Variants in LTA4H observed in about 807,000 individuals in gnomAD.
The protein encoded by LTA4H is leukotriene A-4 hydrolase.
A neutral mutation model predicts 89.8 loss-of-function variants in LTA4H; 59 were observed. That is an observed-to-expected ratio of 0.66 (90% CI 0.53 to 0.82). LTA4H has a LOEUF of 0.82. Ranked by LOEUF, LTA4H falls within the 40% of genes least tolerant of loss-of-function variation. The probability of loss-of-function intolerance (pLI) is 0.00; values close to 1 mark genes in which losing one functional copy is unlikely to be tolerated. For missense variants in LTA4H, 617 were observed against 727.0 expected, an observed-to-expected ratio of 0.85 and a Z score of 1.74; for synonymous variants, 227 against 253.1, an observed-to-expected ratio of 0.90 and a Z score of 0.98.
rs1312116158 is a variant in LTA4H, at chr12:96,021,094, A to G, written c.629T>C (p.Leu210Ser). 7.5e-6 allele frequency: 12 copies of G among 1,600,614 alleles called. No individual in the cohort carries two copies. Among genetic ancestry groups the G allele is most frequent in the Non-Finnish European group, 1.0e-5 (12 of 1,176,124 alleles). ...CYLIALVVGA[L>S]ESRQIGPRTL... ...TTTTCCAAAAGCTCACCTGCTTTCTAAAGCTCCAACAACTAAAGCAATCAG... is the reference window on the plus strand; with the variant it reads ...TTTTCCAAAAGCTCACCTGCTTTCTGAAGCTCCAACAACTAAAGCAATCAG... Residue 210 changes from leucine (L) to serine (S), a missense_variant, in exon 6 of 19, where the codon TTA (leucine) becomes TCA (serine). Physicochemically the swap from Leu to Ser is moderately radical, Grantham distance 145. Around this residue, in one of 3 missense-constraint regions of LTA4H, gnomAD observed 172 missense variants for 244.5 expected, o/e 0.70. Coordinates refer to ENST00000228740, the MANE Select transcript of LTA4H (RefSeq NM_000895.3).
chr12:96,041,576 A>G (rs1362443807), intron 1 of LTA4H, among the ~76,000 whole-genome samples: 1 of 152,220 alleles, frequency 6.6e-6, no homozygotes, highest in Non-Finnish European at 1.5e-5. Flanking sequence ...CAAAAAAAGA[A>G]ATGTGTATCC....
Position 96,015,697 on chromosome 12 carries a change from G to T in LTA4H, c.948-3C>A. The T allele has an allele frequency of 6.6e-7, 1 of 1,506,856 alleles. No homozygotes were observed. The highest frequency in any genetic ancestry group is 9.1e-7 in the Non-Finnish European group (1 of 1,095,358). The allele number at this position is 1,506,856 out of a possible 1,614,324, so 93.3% of individuals were successfully genotyped here. A position where few individuals can be genotyped will look rare whatever the true frequency, so the allele number is the denominator to read the frequency against. ...ACACAGTATGTCCCTCATTTAACCT[G>T]AAAAAAAAATATTTTAATAAAAACA... On this transcript the variant is annotated splice_region_variant and splice_polypyrimidine_tract_variant and intron_variant, in intron 10 of 18. Coordinates refer to ENST00000228740, the MANE Select transcript of LTA4H (RefSeq NM_000895.3).
At chr12:96,023,305 A>C (rs1167335896) in intron 4 of LTA4H, among the ~76,000 whole-genome samples, 1 of 150,956 alleles carries the variant, frequency 6.6e-6, no homozygotes, top group Non-Finnish European at 1.5e-5. Context: ...ACCTCCCTTC[A>C]TTTAGGTGGT....
chr12:96,027,527 AG>A lies in LTA4H; in HGVS notation c.327del (p.Ser110LeufsTer44). On this transcript the variant is annotated frameshift_variant, in exon 3 of 19. Coordinates refer to ENST00000228740, the MANE Select transcript of LTA4H (RefSeq NM_000895.3). LOFTEE classifies it high-confidence loss of function. ...CACTGGAGAGCAGAAGATTTTGGAG[AG>A]GTCTCAAAAGAAATTTCTATAACAA... ...QEIVIEISFE[T>X]SPKSSALQWL... The A allele has an allele frequency of 6.2e-7, 1 of 1,600,862 alleles. No individual in the cohort carries two copies. The highest frequency in any genetic ancestry group is 8.6e-7 in the Non-Finnish European group (1 of 1,169,072).
chr12:96,017,343 A>G (rs1022362892), intron 9 of LTA4H, among the ~76,000 whole-genome samples: 15 of 152,218 alleles, frequency 9.9e-5, no homozygotes, highest in African/African-American at 3.4e-4. Flanking sequence ...TTAAATAGAT[A>G]TATCACTGCA....
rs764495513 is a variant in LTA4H, at chr12:96,019,152, TAACTAAATGACC to T, written c.711+4_711+15del. The T allele has an allele frequency of 3.7e-6, 6 of 1,603,574 alleles. No homozygotes were observed. Among genetic ancestry groups the T allele is most frequent in the Non-Finnish European group, 4.3e-6 (5 of 1,174,656 alleles). ...TGTCTATCACAATGATTACAAAGGA[TAACTAAATGACC>T]AACCTCAGAAAACTCATAAGCAGAC... is the stretch of plus-strand genomic sequence containing the variant. On this transcript the variant is annotated splice_donor_5th_base_variant and intron_variant, in intron 7 of 18. Coordinates refer to ENST00000228740, the MANE Select transcript of LTA4H (RefSeq NM_000895.3).
intron 14 of LTA4H, chr12:96,012,858 T>G (rs1950324191): frequency 4.8e-6 from 1 of 206,620 alleles, no homozygotes; most frequent in African/African-American, 2.3e-5. Context: ...GAAATGGGGA[T>G]AATAACTTAT....
chr12:96,034,618 C>G (rs1950615047), intron 1 of LTA4H, among the ~76,000 whole-genome samples: 1 of 152,298 alleles, frequency 6.6e-6, no homozygotes, highest in South Asian at 2.1e-4. Context: ...GTAGAAAGGA[C>G]CCTGAAGAGA....
At chr12:96,032,800 C>T (rs1289062874) in intron 1 of LTA4H, among the ~76,000 whole-genome samples, 1 of 152,126 alleles carries the variant, frequency 6.6e-6, no homozygotes, top group African/African-American at 2.4e-5. Flanking sequence ...AATGTAAAAA[C>T]AATGAGCAGA....
At chr12:96,041,986 CTTTTTTTT>C (rs145401712) in intron 1 of LTA4H, among the ~76,000 whole-genome samples, 1,652 of 110,090 alleles carry the variant, frequency 0.015, 42 homozygotes, top group African/African-American at 0.057. Flanking sequence ...GTTTTTTTTT[CTTTTTTTT>C]TTTTTTTTTG....
At chr12:96,009,800 CCT>C (rs2136872086) in intron 14 of LTA4H, 1 of 152,268 alleles carries the variant, frequency 6.6e-6, no homozygotes, top group Admixed American at 6.5e-5. Context: ...GCAAAACATC[CCT>C]CTTTCTCCGT....
Position 96,001,161 on chromosome 12 carries a change from G to A in LTA4H, c.1719-55C>T, listed in dbSNP as rs1175770514. On this transcript the variant is annotated intron_variant, in intron 18 of 18. Transcript: ENST00000228740. ...GAAAGGCGAGAAGGAGACAGAGGAG[G>A]AGAAAGGGAGGGAGAGAAGAAAGAA... 9 of 1,066,626 alleles carry A rather than the reference G, an allele frequency of 8.4e-6. No individual in the cohort carries two copies. In the East Asian group the frequency reaches 1.9e-4, roughly 22 times the overall value. The allele number at this position is 1,066,626 out of a possible 1,614,324, so 66.1% of individuals were successfully genotyped here. A position where few individuals can be genotyped will look rare whatever the true frequency, so the allele number is the denominator to read the frequency against.
intron 3 of LTA4H, among the ~76,000 whole-genome samples, chr12:96,026,525 G>A (rs1737663508): frequency 6.6e-6 from 1 of 152,186 alleles, no homozygotes; most frequent in South Asian, 2.1e-4. Context: ...TACAGATTGT[G>A]CAATTTGTAC....
intron 10 of LTA4H, 121 bp from the exon 11 acceptor site, chr12:96,015,815 A>T (rs1342123945): frequency 1.5e-6 from 1 of 650,918 alleles, no homozygotes; most frequent in Admixed American, 2.8e-5. Flanking sequence ...TGACCACTAC[A>T]GTCTAAGCCG....
chr12:96,034,026 T>G (rs1032314077), intron 1 of LTA4H, among the ~76,000 whole-genome samples: 5 of 152,214 alleles, frequency 3.3e-5, no homozygotes, highest in African/African-American at 1.2e-4. Flanking sequence ...AATCAATCAG[T>G]TTAGCAAAAT....
At chr12:96,030,562 T>C (rs576716948) in intron 1 of LTA4H, among the ~76,000 whole-genome samples, 51 of 152,360 alleles carry the variant, frequency 3.3e-4, no homozygotes, top group African/African-American at 1.2e-3. Context: ...ACCTAAGGTT[T>C]GATCCCATTT....
intron 3 of LTA4H, among the ~76,000 whole-genome samples, chr12:96,025,727 T>C (rs1950506161): frequency 1.3e-5 from 2 of 151,262 alleles, no homozygotes; most frequent in Non-Finnish European, 1.5e-5. Flanking sequence ...CTCAGGAGGC[T>C]GAGGTAAAAG....
At chr12:96,043,230 T>G in intron 1 of LTA4H, 1 of 1,215,086 alleles carries the variant, frequency 8.2e-7, no homozygotes, top group Non-Finnish European at 1.2e-6. Flanking sequence ...ATTGAAGGGG[T>G]AGGCAGGGAC....
upstream of LTA4H, among the ~76,000 whole-genome samples, chr12:96,036,080 C>T (rs1424389669): frequency 2.0e-5 from 3 of 151,964 alleles, no homozygotes; most frequent in Non-Finnish European, 2.9e-5. Context: ...GGGTTCGATT[C>T]CCCGACGGGG....
Sources: gnomAD v4.1 joint callset for allele counts (sites outside exome capture counted in the v4.1 genomes callset) on GRCh38, gnomAD v4.1.1 for gene constraint, gnomAD v4.1.1 regional missense constraint, MANE v1.5 for transcripts, NCBI Gene and HGNC (gene_info 2026-07-23, HGNC 2026-07-21) for gene names.